The following GLIS2 variants were observed in gnomAD, a reference collection of about 807,000 sequenced individuals.
The protein encoded by GLIS2 is zinc finger protein GLIS2.
A neutral mutation model predicts 35.6 loss-of-function variants in GLIS2; 14 were observed. The ratio of observed to expected loss-of-function variants is 0.39; its 90% CI spans 0.26 to 0.61. The LOEUF (loss-of-function observed/expected upper bound fraction) is 0.61. Among genes scored for constraint, GLIS2 ranks in the 20% least tolerant of loss-of-function variants. GLIS2 has a pLI of 0.48. For synonymous variants in GLIS2, 368 were observed against 325.1 expected, an observed-to-expected ratio of 1.13 and a Z score of -1.42; for missense variants, 675 against 713.4, an observed-to-expected ratio of 0.95 and a Z score of 0.61.
chr16:4,335,017 A>C lies in GLIS2; in HGVS notation c.522+40A>C. The C allele has an allele frequency of 6.2e-7, 1 of 1,613,278 alleles. No individual in the cohort carries two copies. Among genetic ancestry groups the C allele is most frequent in the Non-Finnish European group, 8.5e-7 (1 of 1,180,030 alleles). ...GCAAGAGTAGTGTGGAGTCTGGGGCAGGTCACCCCGCATGGGCTCAGAACA... is the reference window on the plus strand; with the variant it reads ...GCAAGAGTAGTGTGGAGTCTGGGGCCGGTCACCCCGCATGGGCTCAGAACA... On this transcript the variant is annotated intron_variant, in intron 4 of 6. Coordinates refer to ENST00000433375, the MANE Select transcript of GLIS2 (RefSeq NM_032575.3). The surrounding 1 kb of genome is among the most constrained non-coding windows in gnomAD (Gnocchi z 4.6).
chr16:4,336,085 G>A (rs566208779), intron 6 of GLIS2: 109 of 186,436 alleles, frequency 5.8e-4, no homozygotes, highest in African/African-American at 2.5e-3. Flanking sequence ...TAGCGCCCAG[G>A]CAGCACTCCC....
In GLIS2 at chr16:4,337,365, C is replaced by T; in HGVS notation, c.1416C>T (p.Cys472=). The change falls in exon 7 of 7, where the codon TGC becomes TGT. Residue 472 remains cysteine, a synonymous_variant. Transcript: ENST00000433375. The part of the protein sequence containing the change: ...KTPLERTESS[C]SRPSPDGLPL... The stretch of plus-strand genomic sequence containing the variant: ...CCCTTGAAAGGACGGAGAGCAGCTG[C>T]TCCCGGCCAAGCCCCGATGGACTCC... 2 of 1,593,274 alleles carry T rather than the reference C, an allele frequency of 1.3e-6. No homozygotes were observed. The highest frequency in any genetic ancestry group is 1.7e-6 in the Non-Finnish European group (2 of 1,171,658).
chr16:4,329,774 C>A (rs150116215), intron 1 of GLIS2, among the ~76,000 whole-genome samples: 1 of 152,170 alleles, frequency 6.6e-6, no homozygotes, highest in Non-Finnish European at 1.5e-5. Context: ...AGTAAAGACC[C>A]CAATACCGCG....
chr16:4,326,800 G>T (rs1248327256), intron 1 of GLIS2, among the ~76,000 whole-genome samples: 3 of 131,836 alleles, frequency 2.3e-5, no homozygotes, highest in Non-Finnish European at 3.1e-5. Flanking sequence ...TCACTCCGTC[G>T]CCCAGGCTGG....
intron 1 of GLIS2, chr16:4,325,380 C>G (rs1052162663): frequency 6.6e-6 from 1 of 152,268 alleles, no homozygotes; most frequent in African/African-American, 2.4e-5. Context: ...GAAACAGCAC[C>G]TGCCTTCACA....
Position 4,335,298 on chromosome 16 carries a change from G to C in GLIS2, c.680G>C (p.Arg227Pro). ...NARYKMLIHIRTHTNEKPHRC... is the reference protein window; with the variant it reads ...NARYKMLIHIPTHTNEKPHRC... ...AGGTACAAGATGCTCATCCACATCC[G>C]CACACACACCAACGAGAAGCCACAC... is the stretch of plus-strand genomic sequence containing the variant. The change falls in exon 6 of 7, where the codon CGC (arginine) becomes CCC (proline). Residue 227 changes from arginine (R) to proline (P), a missense_variant. By Grantham distance (103) the Arg-to-Pro change is moderately radical. Transcript: ENST00000433375. This position sits in a 1 kb window ranked among gnomAD's most constrained non-coding sequence, Gnocchi z 4.6. The C allele has an allele frequency of 6.2e-7, 1 of 1,613,754 alleles. No individual in the cohort carries two copies. The highest frequency in any genetic ancestry group is 8.5e-7 in the Non-Finnish European group (1 of 1,180,002).
intron 2 of GLIS2, 135 bp from the exon 3 acceptor site, chr16:4,333,212 G>C (rs2053515900): frequency 1.1e-6 from 1 of 935,406 alleles, no homozygotes; most frequent in Admixed American, 2.0e-5. Context: ...TCCACAGGCT[G>C]CTCCTCACAT....
chr16:4,316,521 C>A (rs1267522871), intron 1 of GLIS2, among the ~76,000 whole-genome samples: 1 of 151,732 alleles, frequency 6.6e-6, no homozygotes, highest in African/African-American at 2.4e-5. Context: ...GAGGCCGGGC[C>A]GAGCAGCGCC....
intron 3 of GLIS2, 24 bp downstream of exon 3, chr16:4,333,543 A>C (rs376955976): frequency 2.9e-5 from 47 of 1,598,008 alleles, no homozygotes; most frequent in Non-Finnish European, 3.9e-5. Context: ...AGAGTTCCGG[A>C]GAGAGGGGTG....
In GLIS2 at chr16:4,339,549, A is replaced by G. The variant is rs181755420; in HGVS notation, c.*2025A>G. ...AATGACTATAACAATATATTCCTCC[A>G]TGGGAGAGGAAGTTTATAAAGAAAC... On this transcript the variant is annotated 3_prime_UTR_variant, in exon 7 of 7. Transcript: ENST00000433375. 2.1e-4 allele frequency: 32 copies of G among 152,574 alleles called. No individual in the cohort carries two copies. The highest frequency in any genetic ancestry group is 7.7e-4 in the African/African-American group (32 of 41,580). The allele number at this position is 152,574 out of a possible 1,614,324, so 9.5% of individuals were successfully genotyped here. A position where few individuals can be genotyped will look rare whatever the true frequency, so the allele number is the denominator to read the frequency against.
chr16:4,323,019 G>A (rs1211579483), intron 1 of GLIS2, among the ~76,000 whole-genome samples: 1 of 152,232 alleles, frequency 6.6e-6, no homozygotes. Flanking sequence ...TGGGGCAAGG[G>A]GTTACTGTGA....
At position 4,332,767 on chromosome 16, in the gene GLIS2, G is replaced by A. The variant is rs1453453060; in HGVS notation, c.172+315G>A. 6.6e-6 allele frequency among the ~76,000 whole-genome samples: 1 copy of A among 152,224 alleles called. No homozygotes were observed. The highest frequency in any genetic ancestry group is 1.5e-5 in the Non-Finnish European group (1 of 68,030). ...CAGGACCTGCACCCTAGGCTGTGGG[G>A]TGGTGCCGCTGGCCAACCTGGGCAG... On this transcript the variant is annotated intron_variant, in intron 2 of 6. Coordinates refer to ENST00000433375, the MANE Select transcript of GLIS2 (RefSeq NM_032575.3). This position sits in a 1 kb window ranked among gnomAD's most constrained non-coding sequence, Gnocchi z 5.4.
chr16:4,329,881 G>T (rs182807130), intron 1 of GLIS2, among the ~76,000 whole-genome samples: 2 of 152,226 alleles, frequency 1.3e-5, no homozygotes, highest in African/African-American at 4.8e-5. Flanking sequence ...GTTTAACCGC[G>T]TAGGAAAAGA....
rs1326754303 is a variant in GLIS2, at chr16:4,338,513, GCTC to G, written c.*992_*994del. ...ACGACCGACCACAGGCTGGGACACA[GCTC>G]CTGGTCTGGGGGCTCCAAGTGACAG... is the stretch of plus-strand genomic sequence containing the variant. On this transcript the variant is annotated 3_prime_UTR_variant, in exon 7 of 7. Coordinates refer to ENST00000433375, the MANE Select transcript of GLIS2 (RefSeq NM_032575.3). 6.5e-6 allele frequency: 1 copy of G among 152,752 alleles called. No homozygotes were observed. The highest frequency in any genetic ancestry group is 1.9e-4 in the East Asian group (1 of 5,218). The allele number at this position is 152,752 out of a possible 1,614,324, so 9.5% of individuals were successfully genotyped here.
At chr16:4,322,681 T>C (rs2053390883) in intron 1 of GLIS2, among the ~76,000 whole-genome samples, 2 of 149,870 alleles carry the variant, frequency 1.3e-5, no homozygotes, top group South Asian at 4.3e-4. Flanking sequence ...AAGGTCCGGT[T>C]CGATCTAGCA....
rs1481049831 is a variant in GLIS2 at position 4,336,745 on chromosome 16, C to T, written c.796C>T (p.Pro266Ser). The T allele has an allele frequency of 1.9e-6, 3 of 1,606,596 alleles. No homozygotes were observed. The highest frequency in any genetic ancestry group is 1.3e-5 in the African/African-American group (1 of 74,760). The change falls in exon 7 of 7, where the codon CCC becomes TCC. Residue 266 changes from proline to serine, a missense_variant. Coordinates refer to ENST00000433375, the MANE Select transcript of GLIS2 (RefSeq NM_032575.3). ...SHTGEKPYVC[P>S]YEGCNKRYSN... ...TGCAGGTGAGAAGCCCTACGTCTGC[C>T]CCTACGAGGGCTGCAACAAGCGCTA...
upstream of GLIS2, chr16:4,315,291 C>T (rs1160987993): frequency 6.6e-6 from 1 of 152,228 alleles, no homozygotes; most frequent in East Asian, 1.9e-4. Context: ...TGCGCCGGGC[C>T]CCGAAAACTG....
chr16:4,335,755 T>G lies in GLIS2; in HGVS notation c.775+362T>G. Reference sequence around the variant, plus strand: ...CAGAGCCACAGACATAATTTTACATTTCCTAATCGCTGCATAAAACACAGC... The same window carrying G: ...CAGAGCCACAGACATAATTTTACATGTCCTAATCGCTGCATAAAACACAGC... On this transcript the variant is annotated intron_variant, in intron 6 of 6. Coordinates refer to ENST00000433375, the MANE Select transcript of GLIS2 (RefSeq NM_032575.3). The surrounding 1 kb of genome is among the most constrained non-coding windows in gnomAD (Gnocchi z 4.6). 1 of 289,000 alleles carries G rather than the reference T, an allele frequency of 3.5e-6. No homozygotes were observed. The highest frequency in any genetic ancestry group is 6.6e-6 in the Non-Finnish European group (1 of 150,758). The allele number at this position is 289,000 out of a possible 1,614,324, so 17.9% of individuals were successfully genotyped here.
chr16:4,330,796 C>T (rs2053489787), intron 1 of GLIS2, among the ~76,000 whole-genome samples: 1 of 152,180 alleles, frequency 6.6e-6, no homozygotes, highest in Admixed American at 6.5e-5. Context: ...GGAACAGGCC[C>T]CCCAAAATCT....
Sources: allele counts gnomAD v4.1 joint callset (sites outside exome capture counted in the v4.1 genomes callset), GRCh38; gene constraint gnomAD v4.1.1; non-coding constraint Gnocchi (gnomAD v3.1); transcripts MANE v1.5; gene names NCBI Gene and HGNC (gene_info 2026-07-23, HGNC 2026-07-21).